The following PRRC2B variants were observed in gnomAD, a reference collection of about 807,000 sequenced individuals.
The protein encoded by PRRC2B is protein PRRC2B.
Under a neutral mutation model 242.3 loss-of-function variants are expected in PRRC2B, and 68 were observed. The observed-to-expected ratio is 0.28, with a 90% CI of 0.23 to 0.34. The LOEUF is 0.34. PRRC2B is among the 10% of genes least tolerant of loss of function. PRRC2B has a pLI of 1.00. For missense variants in PRRC2B, 2,835 were observed against 2,954.8 expected (o/e 0.96, Z 0.94); for synonymous variants, 1,228 against 1,173.6 (o/e 1.05, Z -0.95).
chr9:131,452,303 C>G (rs534963172), intron 9 of PRRC2B, among the ~76,000 whole-genome samples: 5 of 152,270 alleles, frequency 3.3e-5, no homozygotes, highest in African/African-American at 9.6e-5. Context: ...GTTTGGGCCA[C>G]TGTGCCTGGC....
intron 29 of PRRC2B, 141 bp from the exon 30 acceptor site, chr9:131,492,028 C>T (rs1411156112): frequency 4.5e-6 from 3 of 661,992 alleles, no homozygotes; most frequent in South Asian, 3.6e-5. Context: ...GGCCCTGGTG[C>T]CAAAAACCAC....
At chr9:131,450,328 C>T (rs931330970) in intron 9 of PRRC2B, among the ~76,000 whole-genome samples, 5 of 151,314 alleles carry the variant, frequency 3.3e-5, no homozygotes, top group Non-Finnish European at 5.9e-5. Flanking sequence ...AGTTCAGTGG[C>T]ATGATCTCGA....
chr9:131,482,264 A>AG lies in PRRC2B; in HGVS notation c.4984-104dup. 2.4e-6 allele frequency: 3 copies of AG among 1,262,168 alleles called. No homozygotes were observed. The South Asian group carries it at 4.4e-5, about 19-fold the overall frequency. The allele number at this position is 1,262,168 out of a possible 1,614,324, so 78.2% of individuals were successfully genotyped here. A position where few individuals can be genotyped will look rare whatever the true frequency, so the allele number is the denominator to read the frequency against. ...ATCAAGATCAGGACCAGACTTGGCA[A>AG]GGGACAGGCAGCTGGGGTAGAAAAG... On this transcript the variant is annotated intron_variant, in intron 20 of 31. Coordinates refer to ENST00000683519, the MANE Select transcript of PRRC2B (RefSeq NM_013318.4). The surrounding 1 kb of genome is among the most constrained non-coding windows in gnomAD (Gnocchi z 5.2).
chr9:131,457,056 T>A (rs764993933), intron 10 of PRRC2B, among the ~76,000 whole-genome samples: 5 of 152,256 alleles, frequency 3.3e-5, no homozygotes, highest in Non-Finnish European at 5.9e-5. Flanking sequence ...TGAGTCATCT[T>A]TTTCTTTGTT....
chr9:131,400,923 C>T (rs1837210918), intron 1 of PRRC2B, among the ~76,000 whole-genome samples: 2 of 151,856 alleles, frequency 1.3e-5, no homozygotes, highest in Non-Finnish European at 2.9e-5. Flanking sequence ...GAGAGCCCCC[C>T]ACCTAACTTT....
At position 131,498,844 on chromosome 9, in the gene PRRC2B, C is replaced by T. The variant is rs1397105722; in HGVS notation, c.*2970C>T. ...ACCAGTGGCCTTGCGGTATTGTCCA[C>T]CATCCACTAGAGTGGGATGAAGTCC... On this transcript the variant is annotated 3_prime_UTR_variant, in exon 32 of 32. Coordinates refer to ENST00000683519, the MANE Select transcript of PRRC2B (RefSeq NM_013318.4). 6.6e-6 allele frequency: 1 copy of T among 152,200 alleles called. No individual in the cohort carries two copies. The highest frequency in any genetic ancestry group is 1.9e-4 in the East Asian group (1 of 5,190). The allele number at this position is 152,200 out of a possible 1,614,324, so 9.4% of individuals were successfully genotyped here.
chr9:131,475,521 C>T lies in PRRC2B; in HGVS notation c.3392C>T (p.Ala1131Val). The T allele has an allele frequency of 6.2e-7, 1 of 1,610,480 alleles. No individual in the cohort carries two copies. The highest frequency in any genetic ancestry group is 1.3e-5 in the African/African-American group (1 of 74,888). ...CPRAKPRRRVASETHSEGSEY... is the reference protein window; with the variant it reads ...CPRAKPRRRVVSETHSEGSEY... ...AGAGCCAAGCCCCGACGGAGAGTTGCCAGTGAGACCCATAGCGAGGGCTCA... is the reference window on the plus strand; with the variant it reads ...AGAGCCAAGCCCCGACGGAGAGTTGTCAGTGAGACCCATAGCGAGGGCTCA... Residue 1131 changes from alanine (A) to valine (V), a missense_variant, in exon 16 of 32, where the codon GCC becomes GTC. Transcript: ENST00000683519.
In PRRC2B at chr9:131,420,453, TTTTCTTTCTTTCTTTCTTTCTTTC is replaced by T. The variant is rs148112779; in HGVS notation, c.-51-9621_-51-9598del. On this transcript the variant is annotated intron_variant, in intron 1 of 31. Coordinates refer to ENST00000683519, the MANE Select transcript of PRRC2B (RefSeq NM_013318.4). ...TTTTCTTTTTTCTTTTTCTTTTTCTTTTTCTTTCTTTCTTTCTTTCTTTCTTTCTTTCTTTCTTTCTTTTTTTTT... is the reference window on the plus strand; with the variant it reads ...TTTTCTTTTTTCTTTTTCTTTTTCTTTTTCTTTCTTTCTTTCTTTTTTTTT... Among the ~76,000 whole-genome samples, 311 of 61,052 alleles carry T rather than the reference TTTTCTTTCTTTCTTTCTTTCTTTC, an allele frequency of 5.1e-3. 5 individuals are homozygous for T. The highest frequency in any genetic ancestry group is 0.016 in the African/African-American group (299 of 18,970). The allele number at this position is 61,052 out of a possible 152,430, so 40.1% of individuals were successfully genotyped here. A position where few individuals can be genotyped will look rare whatever the true frequency, so the allele number is the denominator to read the frequency against.
chr9:131,485,858 T>C, intron 25 of PRRC2B: 1 of 733,350 alleles, frequency 1.4e-6, no homozygotes, highest in South Asian at 1.4e-5. Flanking sequence ...TCCCTCCTCC[T>C]AGGTCTGACG....
chr9:131,453,820 C>T (rs530450988), intron 9 of PRRC2B, among the ~76,000 whole-genome samples: 13 of 152,310 alleles, frequency 8.5e-5, no homozygotes, highest in African/African-American at 3.1e-4. Context: ...GCGTGAGCCA[C>T]TGTGAATTAT....
At position 131,495,826 on chromosome 9, in the gene PRRC2B, C is replaced by A; in HGVS notation, c.6642C>A (p.Thr2214=). The change falls in exon 32 of 32, where the codon ACC becomes ACA. Residue 2214 remains threonine (T), a synonymous_variant. Coordinates refer to ENST00000683519, the MANE Select transcript of PRRC2B (RefSeq NM_013318.4). The stretch of plus-strand genomic sequence containing the variant: ...CGGCTGCCTCCCAGATGAAGCGAAC[C>A]GGAGCGATCAAGCCTCGGGCTGTCA... ...APSAASQMKR[T]GAIKPRAVKV... 1.2e-6 allele frequency: 2 copies of A among 1,612,764 alleles called. No individual in the cohort carries two copies. The highest frequency in any genetic ancestry group is 1.7e-6 in the Non-Finnish European group (2 of 1,178,972).
chr9:131,430,838 C>T (rs938056221), intron 2 of PRRC2B, among the ~76,000 whole-genome samples: 2 of 152,002 alleles, frequency 1.3e-5, no homozygotes, highest in African/African-American at 4.8e-5. Context: ...GGTGATCCAC[C>T]CGCCTCGGCC....
At chr9:131,378,429 C>T (rs957274412) in intron 1 of PRRC2B, among the ~76,000 whole-genome samples, 2 of 151,902 alleles carry the variant, frequency 1.3e-5, no homozygotes, top group African/African-American at 4.8e-5. Flanking sequence ...GAATGACACA[C>T]CATTGGGGCC....
chr9:131,416,529 T>C (rs962662932), intron 1 of PRRC2B, among the ~76,000 whole-genome samples: 4 of 152,318 alleles, frequency 2.6e-5, no homozygotes, highest in African/African-American at 2.4e-5. Flanking sequence ...GTTAGTACAG[T>C]ATATTTGTCA....
At chr9:131,488,345 C>T (rs1464795368) in intron 28 of PRRC2B, among the ~76,000 whole-genome samples, 1 of 151,216 alleles carries the variant, frequency 6.6e-6, no homozygotes, top group Non-Finnish European at 1.5e-5. Flanking sequence ...CTCACTACAA[C>T]CTCTGTCTCC....
Position 131,409,610 on chromosome 9 carries a change from C to A in PRRC2B, c.-52+15347C>A, listed in dbSNP as rs558551530. 4.6e-5 allele frequency among the ~76,000 whole-genome samples: 7 copies of A among 152,304 alleles called. No individual in the cohort carries two copies. The East Asian group carries it at 1.3e-3, about 29-fold the overall frequency. The stretch of plus-strand genomic sequence containing the variant: ...TGGAGCCTGTGGGGGCCGGGCTGGG[C>A]TGGGGCAGCTGCTGTGTTGGTGGCT... On this transcript the variant is annotated intron_variant, in intron 1 of 31. Coordinates refer to ENST00000683519, the MANE Select transcript of PRRC2B (RefSeq NM_013318.4).
intron 16 of PRRC2B, among the ~76,000 whole-genome samples, chr9:131,477,270 A>G (rs1444760658): frequency 1.3e-5 from 2 of 152,188 alleles, no homozygotes; most frequent in Non-Finnish European, 2.9e-5. Flanking sequence ...TCTCCTTAGA[A>G]TTCAAGGCAG....
Position 131,491,466 on chromosome 9 carries a change from ACTGATCCTGC to A in PRRC2B, c.6269_6278del (p.Leu2090ProfsTer30). The stretch of plus-strand genomic sequence containing the variant: ...CTCGGTACGGCTCCGGGCAGCAGCC[ACTGATCCTGC>A]CCCAGTCTATTCAGCTGCCACCTGG... On this transcript the variant is annotated frameshift_variant, in exon 29 of 32. Transcript: ENST00000683519. LOFTEE classifies it high-confidence loss of function. 1 of 1,611,598 alleles carries A rather than the reference ACTGATCCTGC, an allele frequency of 6.2e-7. No individual in the cohort carries two copies. The highest frequency in any genetic ancestry group is 8.5e-7 in the Non-Finnish European group (1 of 1,179,178).
At position 131,482,332 on chromosome 9, in the gene PRRC2B, G is replaced by T; in HGVS notation, c.4984-39G>T. On this transcript the variant is annotated intron_variant, in intron 20 of 31. Coordinates refer to ENST00000683519, the MANE Select transcript of PRRC2B (RefSeq NM_013318.4). The surrounding 1 kb of genome is among the most constrained non-coding windows in gnomAD (Gnocchi z 5.2). ...GTTTTACTCTCTGGATAATCGAGTT[G>T]GGAGTTTGAGGCTATAACCCATTTT... The T allele has an allele frequency of 6.6e-7, 1 of 1,521,346 alleles. No homozygotes were observed. Among genetic ancestry groups the T allele is most frequent in the South Asian group, 1.3e-5 (1 of 77,884 alleles). 94.2% of individuals were successfully genotyped at this position (1,521,346 alleles called of 1,614,324 possible).
Sources: gnomAD v4.1 joint callset for allele counts (sites outside exome capture counted in the v4.1 genomes callset) on GRCh38, gnomAD v4.1.1 for gene constraint, Gnocchi (gnomAD v3.1) non-coding constraint, MANE v1.5 for transcripts, NCBI Gene and HGNC (gene_info 2026-07-23, HGNC 2026-07-21) for gene names.